PCDHGA8: variants seen among roughly 807,000 people sequenced by gnomAD.
PCDHGA8 encodes the protein protocadherin gamma-A8.
PCDHGA8 carries 45 observed loss-of-function variants against 59.2 expected under a neutral mutation model. The ratio of observed to expected loss-of-function variants is 0.76; its 90% confidence interval spans 0.60 to 0.98. The LOEUF (loss-of-function observed/expected upper bound fraction) is 0.98. Ranked by LOEUF, PCDHGA8 falls within the 50% of genes least tolerant of loss-of-function variation. PCDHGA8 has a pLI of 0.00. For synonymous variants in PCDHGA8, 531 were observed against 519.0 expected (o/e 1.02, Z -0.32); for missense variants, 1,257 against 1,196.2 (o/e 1.05, Z -0.75).
Position 141,477,012 on chromosome 5 carries a change from T to C in PCDHGA8, c.2425-17795T>C. The C allele has an allele frequency of 6.2e-7, 1 of 1,614,186 alleles. No homozygotes were observed. Among genetic ancestry groups the C allele is most frequent in the Non-Finnish European group, 8.5e-7 (1 of 1,180,026 alleles). On this transcript the variant is annotated intron_variant, in intron 1 of 3. Coordinates refer to ENST00000398604, the MANE Select transcript of PCDHGA8 (RefSeq NM_032088.2). The surrounding 1 kb of genome is among the most constrained non-coding windows in gnomAD (Gnocchi z 4.9). The stretch of plus-strand genomic sequence containing the variant: ...GTGCGGCAACTATTCGCCTTAGACC[T>C]TGTAACCGGGATGCTGACAATCAAG...
At position 141,486,464 on chromosome 5, in the gene PCDHGA8, G is replaced by A; in HGVS notation, c.2425-8343G>A. The A allele has an allele frequency of 1.2e-6, 2 of 1,614,034 alleles. No homozygotes were observed. Among genetic ancestry groups the A allele is most frequent in the Non-Finnish European group, 1.7e-6 (2 of 1,179,946 alleles). On this transcript the variant is annotated intron_variant, in intron 1 of 3. Transcript: ENST00000398604. This position sits in a 1 kb window ranked among gnomAD's most constrained non-coding sequence, Gnocchi z 5.0. ...CATCATGGTCACTGCTTCTGATGCTGGGAACCCTCCTCTCAGTACCCACAG... is the reference window on the plus strand; with the variant it reads ...CATCATGGTCACTGCTTCTGATGCTAGGAACCCTCCTCTCAGTACCCACAG...
chr5:141,431,297 C>T lies in PCDHGA8; in HGVS notation c.2424+36060C>T. The T allele has an allele frequency of 6.2e-7, 1 of 1,614,126 alleles. No homozygotes were observed. The highest frequency in any genetic ancestry group is 8.5e-7 in the Non-Finnish European group (1 of 1,180,036). Reference sequence around the variant, plus strand: ...GCTCAGCCCGAACACTCACTTCTCCCTCATCGTGCAAAATGGAGCCGACGG... The same window carrying T: ...GCTCAGCCCGAACACTCACTTCTCCTTCATCGTGCAAAATGGAGCCGACGG... On this transcript the variant is annotated intron_variant, in intron 1 of 3. Coordinates refer to ENST00000398604, the MANE Select transcript of PCDHGA8 (RefSeq NM_032088.2). This position sits in a 1 kb window ranked among gnomAD's most constrained non-coding sequence, Gnocchi z 4.8.
chr5:141,486,489 G>T lies in PCDHGA8; in HGVS notation c.2425-8318G>T. 2 of 1,614,060 alleles carry T rather than the reference G, an allele frequency of 1.2e-6. No homozygotes were observed. The highest frequency in any genetic ancestry group is 1.7e-6 in the Non-Finnish European group (2 of 1,179,892). ...GGGAACCCTCCTCTCAGTACCCACA[G>T]AACTATTTTCCTCAATATTTCAGAT... On this transcript the variant is annotated intron_variant, in intron 1 of 3. Coordinates refer to ENST00000398604, the MANE Select transcript of PCDHGA8 (RefSeq NM_032088.2). The surrounding 1 kb of genome is among the most constrained non-coding windows in gnomAD (Gnocchi z 5.0).
chr5:141,415,649 A>C, intron 1 of PCDHGA8: 1 of 1,597,710 alleles, frequency 6.3e-7, no homozygotes, highest in Non-Finnish European at 8.5e-7. Context: ...GTTAAAAAAA[A>C]AAAGATTGGT....
At chr5:141,470,201 G>C (rs2154570565) in intron 1 of PCDHGA8, among the ~76,000 whole-genome samples, 1 of 152,274 alleles carries the variant, frequency 6.6e-6, no homozygotes, top group Non-Finnish European at 1.5e-5. Flanking sequence ...AGATAAATAT[G>C]AAGGCTAAAC....
Position 141,432,466 on chromosome 5 carries a change from G to A in PCDHGA8, c.2424+37229G>A, listed in dbSNP as rs149116648. 5.7e-4 allele frequency: 913 copies of A among 1,614,208 alleles called. 6 individuals carry two copies. In the African/African-American group the frequency reaches 0.011, roughly 19 times the overall value. On this transcript the variant is annotated intron_variant, in intron 1 of 3. Transcript: ENST00000398604. This position sits in a 1 kb window ranked among gnomAD's most constrained non-coding sequence, Gnocchi z 6.0. The stretch of plus-strand genomic sequence containing the variant: ...AGATCCTGTACCCCGCCCTCCCCAC[G>A]GACGGTTCCACTGGCGTGGAGCTGG...
chr5:141,489,447 G>A lies in PCDHGA8; in HGVS notation c.2425-5360G>A. The A allele has an allele frequency of 5.6e-6, 9 of 1,614,134 alleles. No homozygotes were observed. The highest frequency in any genetic ancestry group is 7.6e-6 in the Non-Finnish European group (9 of 1,180,028). ...GCCGGCGGCTGCAATTGGGCTCTGA[G>A]GAGAATGGGCGCTATTTTTCCCTGA... On this transcript the variant is annotated intron_variant, in intron 1 of 3. Coordinates refer to ENST00000398604, the MANE Select transcript of PCDHGA8 (RefSeq NM_032088.2). This position sits in a 1 kb window ranked among gnomAD's most constrained non-coding sequence, Gnocchi z 4.5.
At chr5:141,396,033 C>G (rs191318626) in intron 1 of PCDHGA8, 2 of 152,280 alleles carry the variant, frequency 1.3e-5, no homozygotes, top group South Asian at 2.1e-4. Flanking sequence ...TATGTAAGAA[C>G]ATATTTCAAT....
intron 1 of PCDHGA8, among the ~76,000 whole-genome samples, chr5:141,488,655 G>C (rs1438020338): frequency 6.6e-6 from 1 of 152,164 alleles, no homozygotes. Flanking sequence ...GATGGGGGAG[G>C]GTGGGGGAAT....
chr5:141,473,029 G>A (rs62379204), intron 1 of PCDHGA8, among the ~76,000 whole-genome samples: 15,982 of 147,800 alleles, frequency 0.11, 873 homozygotes, highest in South Asian at 0.15. Flanking sequence ...AAGGAAGGAA[G>A]GAAGGAAAGA....
At position 141,408,137 on chromosome 5, in the gene PCDHGA8, T is replaced by C; in HGVS notation, c.2424+12900T>C. ...CTCCTGTCCTGGGCCGAATGCTCTT[T>C]TAGCGCGGTAGAGTGCACTTTCTCC... On this transcript the variant is annotated intron_variant, in intron 1 of 3. Coordinates refer to ENST00000398604, the MANE Select transcript of PCDHGA8 (RefSeq NM_032088.2). 4.0e-6 allele frequency: 6 copies of C among 1,488,870 alleles called. No individual in the cohort carries two copies. The South Asian group carries it at 8.2e-5, about 20-fold the overall frequency. 92.2% of individuals were successfully genotyped at this position (1,488,870 alleles called of 1,614,324 possible).
rs1055042563 is a variant in PCDHGA8, at chr5:141,512,805, C to G, written c.*1632C>G. On this transcript the variant is annotated 3_prime_UTR_variant, in exon 4 of 4. Coordinates refer to ENST00000398604, the MANE Select transcript of PCDHGA8 (RefSeq NM_032088.2). ...TGTTGTGTTTTGTGCTGTGTCCACG[C>G]GCTAAGGCGACCCCCTCCCCCGTAC... 3.0e-4 allele frequency: 46 copies of G among 152,378 alleles called. No individual in the cohort carries two copies. Among genetic ancestry groups the G allele is most frequent in the African/African-American group, 9.9e-4 (41 of 41,570 alleles). The allele number at this position is 152,378 out of a possible 1,614,324, so 9.4% of individuals were successfully genotyped here.
intron 1 of PCDHGA8, chr5:141,427,787 C>A (rs2097070880): frequency 6.8e-7 from 1 of 1,478,064 alleles, no homozygotes; most frequent in Non-Finnish European, 9.4e-7. Context: ...CACTGTCGTC[C>A]TACGTGTCCG....
chr5:141,400,682 G>C (rs778099324), intron 1 of PCDHGA8: 10 of 835,140 alleles, frequency 1.2e-5, no homozygotes, highest in Non-Finnish European at 1.7e-5. Context: ...AGTAAATTGT[G>C]AGTTTTTATG....
intron 1 of PCDHGA8, chr5:141,417,666 G>C (rs1487166683): frequency 3.1e-5 from 28 of 917,486 alleles, no homozygotes; most frequent in Non-Finnish European, 4.2e-5. Context: ...GGGATTCCCT[G>C]CGCAGCCAAC....
intron 2 of PCDHGA8, 47 bp from the exon 3 acceptor site, chr5:141,505,346 C>G: frequency 4.3e-6 from 7 of 1,612,970 alleles, no homozygotes; most frequent in Non-Finnish European, 5.9e-6. Context: ...GGGGCATGAG[C>G]TGTGCCGGCC....
intron 1 of PCDHGA8, chr5:141,421,734 G>T: frequency 6.2e-7 from 1 of 1,613,948 alleles, no homozygotes; most frequent in Non-Finnish European, 8.5e-7. Flanking sequence ...ACTCCCTCCA[G>T]AGCTACCAGC....
At chr5:141,399,434 T>C (rs937697147) in intron 1 of PCDHGA8, 1 of 1,614,008 alleles carries the variant, frequency 6.2e-7, no homozygotes. Flanking sequence ...AGCGTCATCC[T>C]ACATATCAGA....
At chr5:141,473,942 G>A (rs1419813166) in intron 1 of PCDHGA8, among the ~76,000 whole-genome samples, 3 of 152,124 alleles carry the variant, frequency 2.0e-5, no homozygotes, top group Non-Finnish European at 2.9e-5. Flanking sequence ...AGTAGCTCAG[G>A]CCTGTAGTCC....
Sources: gnomAD v4.1 joint callset for allele counts (sites outside exome capture counted in the v4.1 genomes callset) on GRCh38, gnomAD v4.1.1 for gene constraint, Gnocchi (gnomAD v3.1) non-coding constraint, MANE v1.5 for transcripts, NCBI Gene and HGNC (gene_info 2026-07-23, HGNC 2026-07-21) for gene names.